The following AFAP1L2 variants were observed in gnomAD, a reference collection of about 807,000 sequenced individuals.
AFAP1L2 encodes actin filament associated protein 1 like 2, also known as actin filament-associated protein 1-like 2.
AFAP1L2 carries 46 observed loss-of-function variants against 99.3 expected under a neutral mutation model. The observed-to-expected ratio is 0.46, with a 90% CI of 0.37 to 0.59. The LOEUF (loss-of-function observed/expected upper bound fraction) is 0.59, where lower values mean the gene tolerates loss of function less well. Ranked by LOEUF, AFAP1L2 falls within the 20% of genes least tolerant of loss-of-function variation. AFAP1L2 has a pLI of 0.00. For synonymous variants in AFAP1L2, 397 were observed against 419.1 expected (o/e 0.95, Z 0.64); for missense variants, 959 against 1,034.9 (o/e 0.93, Z 1.01).
intron 3 of AFAP1L2, 143 bp downstream of exon 3, chr10:114,333,077 CA>C: frequency 1.4e-6 from 1 of 725,268 alleles, no homozygotes; most frequent in Non-Finnish European, 2.3e-6. Context: ...ATACGACCAA[CA>C]AAAATGTGGC....
intron 1 of AFAP1L2, among the ~76,000 whole-genome samples, chr10:114,400,912 A>C (rs963819371): frequency 8.5e-5 from 13 of 152,212 alleles, no homozygotes; most frequent in Middle Eastern, 3.2e-3. Flanking sequence ...CTTCAACACA[A>C]AAAAACCTGA....
chr10:114,403,094 T>C (rs2058376258), intron 1 of AFAP1L2, among the ~76,000 whole-genome samples: 1 of 152,188 alleles, frequency 6.6e-6, no homozygotes, highest in Non-Finnish European at 1.5e-5. Flanking sequence ...ACTGACGTGA[T>C]CCCAGTAGAA....
intron 1 of AFAP1L2, among the ~76,000 whole-genome samples, chr10:114,369,855 C>T (rs2053864898): frequency 6.6e-6 from 1 of 152,074 alleles, no homozygotes; most frequent in Non-Finnish European, 1.5e-5. Context: ...CACTTCAGTC[C>T]AAAACCAGTG....
chr10:114,301,975 C>CACCCCCTG (rs1012050504), intron 12 of AFAP1L2: 2 of 269,598 alleles, frequency 7.4e-6, no homozygotes, highest in African/African-American at 2.2e-5. Context: ...ACAGAAGCAC[C>CACCCCCTG]ACCCCCTGAC....
intron 1 of AFAP1L2, among the ~76,000 whole-genome samples, chr10:114,349,383 C>CAAAAAAAAAAAA (rs113553514): frequency 1.2e-4 from 10 of 86,114 alleles, no homozygotes; most frequent in Non-Finnish European, 1.3e-4. Flanking sequence ...AACTCGGTCT[C>CAAAAAAAAAAAA]AAAAAAAAAA....
At position 114,327,175 on chromosome 10, in the gene AFAP1L2, T is replaced by TATA. The variant is rs1564880771; in HGVS notation, c.316-3915_316-3914insTAT. On this transcript the variant is annotated intron_variant, in intron 4 of 18. Coordinates refer to ENST00000304129, the MANE Select transcript of AFAP1L2 (RefSeq NM_001001936.3). ...TATATATATATATATATATATATAT[T>TATA]TTTTTTTTAGGCAGAGTCTCACTGT... is the stretch of plus-strand genomic sequence containing the variant. 9.8e-3 allele frequency among the ~76,000 whole-genome samples: 547 copies of TATA among 55,570 alleles called. 62 individuals are homozygous for TATA. Among genetic ancestry groups the TATA allele is most frequent in the East Asian group, 0.023 (13 of 566 alleles). The allele number at this position is 55,570 out of a possible 152,430, so 36.5% of individuals were successfully genotyped here.
chr10:114,336,852 A>G (rs561383897), intron 2 of AFAP1L2, among the ~76,000 whole-genome samples: 1 of 152,336 alleles, frequency 6.6e-6, no homozygotes, highest in Admixed American at 6.5e-5. Context: ...CAAAGAGGGT[A>G]GAAAAATTTG....
At position 114,344,438 on chromosome 10, in the gene AFAP1L2, C is replaced by CA. The variant is rs200959883; in HGVS notation, c.17-3708dup. Among the ~76,000 whole-genome samples, 711 of 151,178 alleles carry CA rather than the reference C, an allele frequency of 4.7e-3. 6 individuals carry two copies. Among genetic ancestry groups the CA allele is most frequent in the African/African-American group, 0.016 (660 of 41,260 alleles). On this transcript the variant is annotated intron_variant, in intron 1 of 18. Coordinates refer to ENST00000304129, the MANE Select transcript of AFAP1L2 (RefSeq NM_001001936.3). ...CAAGGCTGTCCCTCTGCTGCCACTT[C>CA]AAAAAAAAACCCATAAAAACTGTAA...
At chr10:114,355,337 C>T (rs1254963699) in intron 1 of AFAP1L2, among the ~76,000 whole-genome samples, 1 of 150,800 alleles carries the variant, frequency 6.6e-6, no homozygotes, top group Admixed American at 6.6e-5. Flanking sequence ...TCACTGCAAG[C>T]TCCGCCTCCC....
At chr10:114,394,662 T>G (rs986658933) in intron 1 of AFAP1L2, among the ~76,000 whole-genome samples, 1 of 152,004 alleles carries the variant, frequency 6.6e-6, no homozygotes. Context: ...AAGCAAGAGA[T>G]GCAGGTGCAG....
rs1174885833 is a variant in AFAP1L2, at chr10:114,294,933, T to TCTCAGGAACAAGTGTTAGAGAA, written c.*1087_*1108dup. 1.0e-6 allele frequency: 1 copy of TCTCAGGAACAAGTGTTAGAGAA among 984,088 alleles called. No individual in the cohort carries two copies. Among genetic ancestry groups the TCTCAGGAACAAGTGTTAGAGAA allele is most frequent in the Non-Finnish European group, 1.2e-6 (1 of 829,014 alleles). The allele number at this position is 984,088 out of a possible 1,614,324, so 61.0% of individuals were successfully genotyped here. The stretch of plus-strand genomic sequence containing the variant: ...AATAAGAATAAAAAAGACATTTAGT[T>TCTCAGGAACAAGTGTTAGAGAA]CTCAGGAACAAGTGTTAGAGAACTG... On this transcript the variant is annotated 3_prime_UTR_variant, in exon 19 of 19. Coordinates refer to ENST00000304129, the MANE Select transcript of AFAP1L2 (RefSeq NM_001001936.3).
At chr10:114,357,082 T>C (rs1341473966) in intron 1 of AFAP1L2, among the ~76,000 whole-genome samples, 9 of 152,242 alleles carry the variant, frequency 5.9e-5, no homozygotes, top group African/African-American at 2.2e-4. Context: ...TGGACCATTG[T>C]TTTTCTTTAA....
the AFAP1L2 span, chr10:114,282,631 T>C: frequency 6.7e-7 from 1 of 1,489,562 alleles, no homozygotes; most frequent in Non-Finnish European, 9.4e-7. Flanking sequence ...GGCTGCTTTG[T>C]AAAGTGGCTT....
intron 1 of AFAP1L2, among the ~76,000 whole-genome samples, chr10:114,365,780 C>T (rs1197834236): frequency 6.6e-6 from 1 of 150,990 alleles, no homozygotes; most frequent in Non-Finnish European, 1.5e-5. Context: ...GACTGGAATG[C>T]AGTGGCATGA....
At chr10:114,350,720 T>A (rs2050341280) in intron 1 of AFAP1L2, among the ~76,000 whole-genome samples, 1 of 152,084 alleles carries the variant, frequency 6.6e-6, no homozygotes, top group Non-Finnish European at 1.5e-5. Context: ...TGGGAGAATT[T>A]TCTCAAGGGT....
intron 4 of AFAP1L2, among the ~76,000 whole-genome samples, chr10:114,327,147 T>TTATTTTTATATA (rs1554902752): frequency 9.2e-5 from 5 of 54,538 alleles, no homozygotes; most frequent in Non-Finnish European, 1.9e-4. Context: ...TTATATATAT[T>TTATTTTTATATA]TATATATATA....
chr10:114,381,979 G>T (rs1226074992), intron 1 of AFAP1L2, among the ~76,000 whole-genome samples: 1 of 152,060 alleles, frequency 6.6e-6, no homozygotes, highest in Non-Finnish European at 1.5e-5. Flanking sequence ...AGATAGCTTT[G>T]CCCCTTCTCT....
chr10:114,391,748 G>A (rs56202751), intron 1 of AFAP1L2, among the ~76,000 whole-genome samples: 7,107 of 152,244 alleles, frequency 0.047, 557 homozygotes, highest in African/African-American at 0.16. Context: ...CTTGACAAAC[G>A]TGCTTACCAG....
chr10:114,385,426 C>T (rs1250275988), intron 1 of AFAP1L2, among the ~76,000 whole-genome samples: 2 of 152,134 alleles, frequency 1.3e-5, no homozygotes, highest in South Asian at 2.1e-4. Context: ...AACATGGCTG[C>T]AGGTCAGGGT....
Sources: allele counts gnomAD v4.1 joint callset (sites outside exome capture counted in the v4.1 genomes callset), GRCh38; gene constraint gnomAD v4.1.1; transcripts MANE v1.5; gene names NCBI Gene and HGNC (gene_info 2026-07-23, HGNC 2026-07-21).